DYNC1H1: variants seen among roughly 807,000 people sequenced by gnomAD.
The protein encoded by DYNC1H1 is dynein cytoplasmic 1 heavy chain 1, also known as cytoplasmic dynein 1 heavy chain 1.
Under a neutral mutation model 527.1 loss-of-function variants are expected in DYNC1H1, and 51 were observed. That is an observed-to-expected ratio of 0.10 (90% CI 0.08 to 0.12). The LOEUF (loss-of-function observed/expected upper bound fraction) is 0.12. DYNC1H1 is among the 10% of genes least tolerant of loss of function. The pLI is 1.00. For synonymous variants in DYNC1H1, 2,189 were observed against 2,278.8 expected, an observed-to-expected ratio of 0.96 and a Z score of 1.12; for missense variants, 2,771 against 5,971.8, an observed-to-expected ratio of 0.46 and a Z score of 17.66.
At position 101,991,584 on chromosome 14, in the gene DYNC1H1, G is replaced by A. The variant is rs1165792011; in HGVS notation, c.2926G>A (p.Glu976Lys). The change falls in exon 11 of 78, where the codon GAA (glutamate) becomes AAA (lysine). Residue 976 changes from glutamate (E) to lysine (K), a missense_variant. By Grantham distance (56) the Glu-to-Lys change is moderately conservative. Coordinates refer to ENST00000360184, the MANE Select transcript of DYNC1H1 (RefSeq NM_001376.5). The part of the protein sequence containing the change: ...NQVIYLNPPI[E>K]ECRYKLYQEM... ...GGTAATCTACTTGAATCCACCAATTGAAGAGTGCAGATACAAGCTGTATCA... is the reference window on the plus strand; with the variant it reads ...GGTAATCTACTTGAATCCACCAATTAAAGAGTGCAGATACAAGCTGTATCA... 2 of 1,614,062 alleles carry A rather than the reference G, an allele frequency of 1.2e-6. No individual in the cohort carries two copies. The highest frequency in any genetic ancestry group is 2.2e-5 in the East Asian group (1 of 44,902).
At position 102,011,434 on chromosome 14, in the gene DYNC1H1, T is replaced by C; in HGVS notation, c.6619-441T>C. 1 of 343,184 alleles carries C rather than the reference T, an allele frequency of 2.9e-6. No individual in the cohort carries two copies. The highest frequency in any genetic ancestry group is 5.6e-6 in the Non-Finnish European group (1 of 177,826). 21.3% of individuals were successfully genotyped at this position (343,184 alleles called of 1,614,324 possible). ...CATAGCTCATCCATTGGGTCTCTTG[T>C]TGTCCTCGGCGGGATCTGATGTGTC... On this transcript the variant is annotated intron_variant, in intron 32 of 77. Transcript: ENST00000360184. The surrounding 1 kb of genome is among the most constrained non-coding windows in gnomAD (Gnocchi z 5.3).
At position 102,047,898 on chromosome 14, in the gene DYNC1H1, A is replaced by C. The variant is rs141925609; in HGVS notation, c.13088A>C (p.Lys4363Thr). Reference sequence around the variant, plus strand: ...CTGGCCTACGCAGAGACTGAGAAGAAGACGAGGACAGACTCCACGTCCGAC... The same window carrying C: ...CTGGCCTACGCAGAGACTGAGAAGACGACGAGGACAGACTCCACGTCCGAC... ...DDLAYAETEK[K>T]TRTDSTSDGR... The change falls in exon 73 of 78, where the codon AAG (lysine) becomes ACG (threonine). Residue 4363 changes from lysine to threonine, a missense_variant. Coordinates refer to ENST00000360184, the MANE Select transcript of DYNC1H1 (RefSeq NM_001376.5). 63 of 1,613,728 alleles carry C rather than the reference A, an allele frequency of 3.9e-5. No homozygotes were observed. Among genetic ancestry groups the C allele is most frequent in the East Asian group, 1.1e-4 (5 of 44,868 alleles).
Position 102,016,568 on chromosome 14 carries a change from C to G in DYNC1H1, c.7614+79C>G. On this transcript the variant is annotated intron_variant, in intron 37 of 77. Transcript: ENST00000360184. This position sits in a 1 kb window ranked among gnomAD's most constrained non-coding sequence, Gnocchi z 7.3. ...CATCCTGGAACAAGCTGACCATGGA[C>G]CTTGGCTTCGTCTTTTCATTTTATT... The G allele has an allele frequency of 1.9e-6, 3 of 1,611,858 alleles. No homozygotes were observed. The highest frequency in any genetic ancestry group is 2.5e-6 in the Non-Finnish European group (3 of 1,178,362).
intron 10 of DYNC1H1, among the ~76,000 whole-genome samples, chr14:101,991,068 G>A (rs921549668): frequency 1.3e-5 from 2 of 151,402 alleles, no homozygotes; most frequent in Admixed American, 1.3e-4. Flanking sequence ...CTGTGGTCCC[G>A]GCTACTTGAG....
Position 102,047,968 on chromosome 14 carries a change from C to G in DYNC1H1, c.13158C>G (p.Asn4386Lys). Residue 4386 changes from asparagine to lysine, a missense_variant, in exon 73 of 78, where the codon AAC becomes AAG. Physicochemically the swap from Asn to Lys is moderately conservative, Grantham distance 94. This residue lies in a region of DYNC1H1 where 170 missense variants were observed against 249.8 expected (regional missense o/e 0.68). Coordinates refer to ENST00000360184, the MANE Select transcript of DYNC1H1 (RefSeq NM_001376.5). ...GGACACTGCACACCACCGCGTCCAA[C>G]TGGCTGCACCTCATCCCCCAGACGC... ...WMRTLHTTAS[N>K]WLHLIPQTLS... 6.2e-7 allele frequency: 1 copy of G among 1,612,942 alleles called. No homozygotes were observed. Among genetic ancestry groups the G allele is most frequent in the Non-Finnish European group, 8.5e-7 (1 of 1,180,030 alleles).
intron 9 of DYNC1H1, among the ~76,000 whole-genome samples, chr14:101,988,021 T>A (rs1428545284): frequency 2.0e-5 from 3 of 152,044 alleles, no homozygotes; most frequent in Non-Finnish European, 4.4e-5. Flanking sequence ...GAGGTTGCAA[T>A]GAGCCAACAT....
chr14:101,983,685 T>G lies in DYNC1H1; in HGVS notation c.1461+76T>G. 6.7e-7 allele frequency: 1 copy of G among 1,496,858 alleles called. No homozygotes were observed. Among genetic ancestry groups the G allele is most frequent in the Non-Finnish European group, 9.1e-7 (1 of 1,103,010 alleles). 92.7% of individuals were successfully genotyped at this position (1,496,858 alleles called of 1,614,324 possible). On this transcript the variant is annotated intron_variant, in intron 7 of 77. Transcript: ENST00000360184. The surrounding 1 kb of genome is among the most constrained non-coding windows in gnomAD (Gnocchi z 5.3). ...TTTTTGTTTGGTGTTTTTTTTTTGT[T>G]GTTGTTGTTGAGATGAAGTTTCACT...
chr14:102,045,352 T>C (rs1271110251), intron 72 of DYNC1H1: 2 of 150,752 alleles, frequency 1.3e-5, no homozygotes, highest in East Asian at 3.9e-4. Flanking sequence ...ATAATCCCAC[T>C]ATAATCCCAG....
chr14:102,025,985 C>T (rs1212704896), intron 43 of DYNC1H1, among the ~76,000 whole-genome samples: 2 of 151,852 alleles, frequency 1.3e-5, no homozygotes, highest in African/African-American at 2.4e-5. Context: ...CATGGTGGTA[C>T]GTGCCTGTAG....
In DYNC1H1 at chr14:102,044,148, A is replaced by T; in HGVS notation, c.12684+103A>T. On this transcript the variant is annotated intron_variant, in intron 70 of 77. Coordinates refer to ENST00000360184, the MANE Select transcript of DYNC1H1 (RefSeq NM_001376.5). This position sits in a 1 kb window ranked among gnomAD's most constrained non-coding sequence, Gnocchi z 7.1. ...AGACTCTGCGTGGAAGAGCGAGCTG[A>T]CCCCTCGTGACCGCCAAAGCCTAGC... The T allele has an allele frequency of 6.3e-7, 1 of 1,580,688 alleles. No individual in the cohort carries two copies. Among genetic ancestry groups the T allele is most frequent in the Non-Finnish European group, 8.6e-7 (1 of 1,166,590 alleles).
Position 102,002,391 on chromosome 14 carries a change from G to T in DYNC1H1, c.4543-146G>T. ...CTCCCAAAATGCTGGGATTACAGGC[G>T]TGAGCCACCACACCCGTCTACTTGT... On this transcript the variant is annotated intron_variant, in intron 21 of 77. Transcript: ENST00000360184. This position sits in a 1 kb window ranked among gnomAD's most constrained non-coding sequence, Gnocchi z 4.4. 8.8e-7 allele frequency: 1 copy of T among 1,131,998 alleles called. No individual in the cohort carries two copies. The highest frequency in any genetic ancestry group is 1.3e-6 in the Non-Finnish European group (1 of 770,434). The allele number at this position is 1,131,998 out of a possible 1,614,324, so 70.1% of individuals were successfully genotyped here.
rs2152577962 is a variant in DYNC1H1 at position 102,010,605 on chromosome 14, C to T, written c.6406-135C>T. On this transcript the variant is annotated intron_variant, in intron 31 of 77. Coordinates refer to ENST00000360184, the MANE Select transcript of DYNC1H1 (RefSeq NM_001376.5). This position sits in a 1 kb window ranked among gnomAD's most constrained non-coding sequence, Gnocchi z 6.0. ...AGACTGTAATGTTGACCCAGTGAGTCGAGTGCACGAATGTGGGCGAGTGGT... is the reference window on the plus strand; with the variant it reads ...AGACTGTAATGTTGACCCAGTGAGTTGAGTGCACGAATGTGGGCGAGTGGT... The T allele has an allele frequency of 5.4e-6, 8 of 1,487,088 alleles. No individual in the cohort carries two copies. The South Asian group carries it at 8.4e-5, about 16-fold the overall frequency. The allele number at this position is 1,487,088 out of a possible 1,614,324, so 92.1% of individuals were successfully genotyped here.
chr14:102,011,790 C>T lies in DYNC1H1; in HGVS notation c.6619-85C>T. 1 of 1,407,676 alleles carries T rather than the reference C, an allele frequency of 7.1e-7. No individual in the cohort carries two copies. The allele number at this position is 1,407,676 out of a possible 1,614,324, so 87.2% of individuals were successfully genotyped here. A position where few individuals can be genotyped will look rare whatever the true frequency, so the allele number is the denominator to read the frequency against. ...AAATCCACACATAATGTTTCTTGCT[C>T]ACTTTCACAAGAGGTGGCTGGGCGA... On this transcript the variant is annotated intron_variant, in intron 32 of 77. Coordinates refer to ENST00000360184, the MANE Select transcript of DYNC1H1 (RefSeq NM_001376.5). The surrounding 1 kb of genome is among the most constrained non-coding windows in gnomAD (Gnocchi z 5.3).
At chr14:102,019,625 G>A (rs1445710306) in intron 41 of DYNC1H1, among the ~76,000 whole-genome samples, 7 of 152,140 alleles carry the variant, frequency 4.6e-5, no homozygotes, top group Admixed American at 6.5e-5. Flanking sequence ...ATTTGGAGAC[G>A]GAGTCTCACT....
chr14:101,986,565 A>G lies in DYNC1H1; in HGVS notation c.2340A>G (p.Ser780=), dbSNP rs2141275075. Reference sequence around the variant, plus strand: ...ACCAGCTTTACCCGTTTGCCATCTCACTGATCGAGAGCGTTCGTACCTATG... The same window carrying G: ...ACCAGCTTTACCCGTTTGCCATCTCGCTGATCGAGAGCGTTCGTACCTATG... ...QANQLYPFAI[S]LIESVRTYER... The change falls in exon 8 of 78, where the codon TCA becomes TCG. Residue 780 remains serine (S), a synonymous_variant. Coordinates refer to ENST00000360184, the MANE Select transcript of DYNC1H1 (RefSeq NM_001376.5). The surrounding 1 kb of genome is among the most constrained non-coding windows in gnomAD (Gnocchi z 8.7). The G allele has an allele frequency of 6.2e-7, 1 of 1,613,942 alleles. No homozygotes were observed. The highest frequency in any genetic ancestry group is 8.5e-7 in the Non-Finnish European group (1 of 1,179,976).
In DYNC1H1 at chr14:102,011,096, G is replaced by T; in HGVS notation, c.6618+144G>T. 1.1e-6 allele frequency: 1 copy of T among 889,436 alleles called. No individual in the cohort carries two copies. Among genetic ancestry groups the T allele is most frequent in the Admixed American group, 2.0e-5 (1 of 49,270 alleles). 55.1% of individuals were successfully genotyped at this position (889,436 alleles called of 1,614,324 possible). A position where few individuals can be genotyped will look rare whatever the true frequency, so the allele number is the denominator to read the frequency against. ...TATGCTTTATGAAGATTTGCCCAAG[G>T]CCTATTTGAATTTTTGTTGTTGTTG... is the stretch of plus-strand genomic sequence containing the variant. On this transcript the variant is annotated intron_variant, in intron 32 of 77. Transcript: ENST00000360184. The surrounding 1 kb of genome is among the most constrained non-coding windows in gnomAD (Gnocchi z 5.3).
At chr14:101,988,332 G>A (rs566068984) in intron 9 of DYNC1H1, among the ~76,000 whole-genome samples, 12 of 152,262 alleles carry the variant, frequency 7.9e-5, no homozygotes, top group Admixed American at 2.6e-4. Context: ...CCGTATCCCC[G>A]TAGACAAGTG....
At chr14:101,980,021 T>C (rs751987324) in intron 4 of DYNC1H1, 47 bp downstream of exon 4, 1 of 1,613,164 alleles carries the variant, frequency 6.2e-7, no homozygotes, top group East Asian at 2.2e-5. Context: ...TACTCTTTAA[T>C]ATCTTTGGGA....
At chr14:102,028,189 A>G (rs1294510304) in intron 48 of DYNC1H1, 48 bp downstream of exon 48, 3 of 1,603,394 alleles carry the variant, frequency 1.9e-6, no homozygotes. Flanking sequence ...ACTAACCATC[A>G]TGCTAATATA....
Sources: allele counts gnomAD v4.1 joint callset (sites outside exome capture counted in the v4.1 genomes callset), GRCh38; gene constraint gnomAD v4.1.1; regional missense constraint gnomAD v4.1.1; non-coding constraint Gnocchi (gnomAD v3.1); transcripts MANE v1.5; gene names NCBI Gene and HGNC (gene_info 2026-07-23, HGNC 2026-07-21).